Variants in FAT2 observed in about 807,000 individuals in gnomAD.
The protein encoded by FAT2 is FAT atypical cadherin 2.
In FAT2, 150 loss-of-function variants were observed where a neutral mutation model predicts 295.3. The ratio of observed to expected loss-of-function variants is 0.51; its 90% CI spans 0.44 to 0.58. The LOEUF is 0.58. Among genes scored for constraint, FAT2 ranks in the 20% least tolerant of loss-of-function variants. The pLI, the probability that FAT2 is intolerant of heterozygous loss-of-function variation, is 0.00. For synonymous variants in FAT2, 2,026 were observed against 2,150.3 expected, an observed-to-expected ratio of 0.94 and a Z score of 1.60; for missense variants, 4,868 against 5,442.7, an observed-to-expected ratio of 0.89 and a Z score of 3.32.
Position 151,567,287 on chromosome 5 carries a change from A to G in FAT2, c.1645T>C (p.Ser549Pro), listed in dbSNP as rs759730487. Residue 549 changes from serine to proline, a missense_variant, in exon 2 of 24, where the codon TCC (serine) becomes CCC (proline). By Grantham distance (74) the Ser-to-Pro change is moderately conservative. Coordinates refer to ENST00000261800, the MANE Select transcript of FAT2 (RefSeq NM_001447.3). ...AAGTTCCTGAGCTGAAGAAAAATGG[A>G]CACTTCCTTCTCCCGGCGAAAAGGG... is the stretch of plus-strand genomic sequence containing the variant. Reference protein sequence around the residue: ...GSPFRREKEVSIFLQLRNLND... With the variant: ...GSPFRREKEVPIFLQLRNLND... 3 of 1,613,946 alleles carry G rather than the reference A, an allele frequency of 1.9e-6. No individual in the cohort carries two copies. In the South Asian group the frequency reaches 3.3e-5, roughly 18 times the overall value.
At position 151,517,729 on chromosome 5, in the gene FAT2, C is replaced by G. The variant is rs139138684; in HGVS notation, c.11354G>C (p.Arg3785Pro). 4 of 1,614,068 alleles carry G rather than the reference C, an allele frequency of 2.5e-6. No homozygotes were observed. The highest frequency in any genetic ancestry group is 3.4e-6 in the Non-Finnish European group (4 of 1,180,030). ...ATRFSGQSYVRYRAPAARNWH... is the reference protein window; with the variant it reads ...ATRFSGQSYVPYRAPAARNWH... Reference sequence around the variant, plus strand: ...GTTCCGAGCCGCTGGGGCCCTGTACCGCACATAGCTCTGACCACTGAACCT... The same window carrying G: ...GTTCCGAGCCGCTGGGGCCCTGTACGGCACATAGCTCTGACCACTGAACCT... Residue 3785 changes from arginine (R) to proline (P), a missense_variant, in exon 20 of 24, where the codon CGG becomes CCG. By Grantham distance (103) the Arg-to-Pro change is moderately radical. Around this residue, in one of 5 missense-constraint regions of FAT2, gnomAD observed 1,046 missense variants for 1,210.1 expected, o/e 0.86. Transcript: ENST00000261800.
At chr5:151,515,838 T>C (rs993229484) in intron 20 of FAT2, among the ~76,000 whole-genome samples, 1 of 152,216 alleles carries the variant, frequency 6.6e-6, no homozygotes, top group Non-Finnish European at 1.5e-5. Flanking sequence ...AAAGAAGCCA[T>C]GATGACCCTT....
chr5:151,555,727 G>A (rs1019487590), intron 4 of FAT2, among the ~76,000 whole-genome samples: 1 of 152,154 alleles, frequency 6.6e-6, no homozygotes, highest in African/African-American at 2.4e-5. Context: ...AAGTATCAAA[G>A]GCAAAATTTG....
intron 13 of FAT2, 127 bp from the exon 14 acceptor site, chr5:151,532,097 T>C (rs1581350071): frequency 1.6e-6 from 2 of 1,260,264 alleles, no homozygotes; most frequent in Admixed American, 2.3e-5. Context: ...CTGGCTTGGG[T>C]ATATGAAGAG....
In FAT2 at chr5:151,569,804, G is replaced by A. The variant is rs528401576; in HGVS notation, c.-20-853C>T. On this transcript the variant is annotated intron_variant, in intron 1 of 23. Transcript: ENST00000261800. The stretch of plus-strand genomic sequence containing the variant: ...CCTTCCTACAAGGCCTTTCCACTGG[G>A]GCTGAGCTCTAGCCAAACTGAGCTG... Among the ~76,000 whole-genome samples the A allele has an allele frequency of 2.6e-5, 4 of 152,310 alleles. No individual in the cohort carries two copies. The East Asian group carries it at 7.7e-4, about 29-fold the overall frequency.
chr5:151,533,109 C>T (rs959180971), intron 13 of FAT2, among the ~76,000 whole-genome samples: 6 of 152,092 alleles, frequency 3.9e-5, no homozygotes, highest in Non-Finnish European at 8.8e-5. Context: ...TCTAGGAGAT[C>T]TGTGTGATTG....
intron 3 of FAT2, among the ~76,000 whole-genome samples, chr5:151,562,157 C>T (rs34346367): frequency 0.48 from 72,518 of 151,686 alleles, 17,555 homozygotes; most frequent in Non-Finnish European, 0.53. Context: ...TAGGCACTTA[C>T]ATCTCACCCA....
rs1241269739 is a variant in FAT2 at position 151,531,724 on chromosome 5, A to G, written c.9674T>C (p.Val3225Ala). 2 of 1,613,758 alleles carry G rather than the reference A, an allele frequency of 1.2e-6. No individual in the cohort carries two copies. Among genetic ancestry groups the G allele is most frequent in the Admixed American group, 3.3e-5 (2 of 60,000 alleles). The change falls in exon 14 of 24, where the codon GTG becomes GCG. Residue 3225 changes from valine to alanine, a missense_variant. Around this residue, in one of 5 missense-constraint regions of FAT2, gnomAD observed 1,046 missense variants for 1,210.1 expected, o/e 0.86. Transcript: ENST00000261800. The surrounding 1 kb of genome is among the most constrained non-coding windows in gnomAD (Gnocchi z 5.7). ...LPVFLNTEHSVQVPEDAPPGT... is the reference protein window; with the variant it reads ...LPVFLNTEHSAQVPEDAPPGT... ...AGGTGGGGCGTCCTCGGGCACCTGC[A>G]CGCTGTGCTCGGTGTTCAGGAACAC...
chr5:151,522,115 C>T lies in FAT2; in HGVS notation c.10507-29G>A, dbSNP rs1272626789. On this transcript the variant is annotated intron_variant, in intron 18 of 23. Transcript: ENST00000261800. ...TGGGCAAAACAAACACTGCTGTCAC[C>T]CAACAGAACTGCAGTGCTCTTGCGC... 3.9e-6 allele frequency: 6 copies of T among 1,519,952 alleles called. No homozygotes were observed. The Admixed American group carries it at 9.3e-5, about 24-fold the overall frequency. The allele number at this position is 1,519,952 out of a possible 1,614,324, so 94.2% of individuals were successfully genotyped here. A position where few individuals can be genotyped will look rare whatever the true frequency, so the allele number is the denominator to read the frequency against.
intron 21 of FAT2, chr5:151,510,852 A>G (rs74664621): frequency 0.055 from 8,412 of 152,292 alleles, 552 homozygotes; most frequent in East Asian, 0.3. Flanking sequence ...TGCAAAGGCT[A>G]GGGAAGGGTG....
chr5:151,523,883 A>G (rs1753736710), intron 18 of FAT2, among the ~76,000 whole-genome samples: 1 of 152,182 alleles, frequency 6.6e-6, no homozygotes, highest in Non-Finnish European at 1.5e-5. Flanking sequence ...TTCCAGTCTC[A>G]TAAATGCACT....
chr5:151,579,746 AAAGAG>A (rs930738375), intron 1 of FAT2, among the ~76,000 whole-genome samples: 1 of 152,100 alleles, frequency 6.6e-6, no homozygotes, highest in African/African-American at 2.4e-5. Context: ...TTAAAAAAAA[AAAGAG>A]AGAGAAAGAT....
At chr5:151,586,066 T>C (rs2127663719) in intron 1 of FAT2, among the ~76,000 whole-genome samples, 1 of 152,354 alleles carries the variant, frequency 6.6e-6, no homozygotes, top group Non-Finnish European at 1.5e-5. Context: ...CAGGCTAAGC[T>C]TCCAAGGGTC....
At chr5:151,589,979 G>C (rs932835396) in intron 1 of FAT2, among the ~76,000 whole-genome samples, 6 of 152,134 alleles carry the variant, frequency 3.9e-5, no homozygotes, top group Non-Finnish European at 2.9e-5. Context: ...CATAGGCCCA[G>C]AGAGGTAAGA....
intron 20 of FAT2, among the ~76,000 whole-genome samples, chr5:151,517,261 G>A (rs1752964735): frequency 6.6e-6 from 1 of 152,206 alleles, no homozygotes; most frequent in Admixed American, 6.5e-5. Flanking sequence ...GATTCCATGG[G>A]GTTTGAGCAC....
intron 8 of FAT2, 64 bp downstream of exon 8, chr5:151,550,526 A>G: frequency 6.4e-7 from 1 of 1,551,040 alleles, no homozygotes; most frequent in Admixed American, 1.7e-5. Context: ...CATGTCTCCA[A>G]GCATGTCCAC....
At chr5:151,556,511 C>G in intron 3 of FAT2, 109 bp from the exon 4 acceptor site, 4 of 725,708 alleles carry the variant, frequency 5.5e-6, no homozygotes, top group Non-Finnish European at 9.3e-6. Context: ...TTCTTCTGAT[C>G]TTTGAAGAAC....
rs771779546 is a variant in FAT2, at chr5:151,554,504, G to A, written c.3803C>T (p.Ala1268Val). Residue 1268 changes from alanine to valine, a missense_variant, in exon 5 of 24, where the codon GCT (alanine) becomes GTT (valine). Physicochemically the swap from Ala to Val is moderately conservative, Grantham distance 64 (BLOSUM62 0). Transcript: ENST00000261800. ...ATTAAGACCCTCATCCAGGTCTGAA[G>A]CCACCAGCCTGTACACAGGCCCAGG... ...VSPGPVYRLV[A>V]SDLDEGLNGR... 2 of 1,614,108 alleles carry A rather than the reference G, an allele frequency of 1.2e-6. No homozygotes were observed. The highest frequency in any genetic ancestry group is 1.1e-5 in the South Asian group (1 of 91,094).
chr5:151,505,450 T>C lies in FAT2; in HGVS notation c.*115A>G, dbSNP rs1760762779. 7.8e-7 allele frequency: 1 copy of C among 1,279,118 alleles called. No individual in the cohort carries two copies. Among genetic ancestry groups the C allele is most frequent in the African/African-American group, 1.5e-5 (1 of 66,066 alleles). 79.2% of individuals were successfully genotyped at this position (1,279,118 alleles called of 1,614,324 possible). On this transcript the variant is annotated 3_prime_UTR_variant, in exon 24 of 24. Transcript: ENST00000261800. ...CATTTCAAGGGACAACAGCCTGGGC[T>C]GAGGGCTTCCCTCCCACTCTCCCAG...
Sources: gnomAD v4.1 joint callset for allele counts (sites outside exome capture counted in the v4.1 genomes callset) on GRCh38, gnomAD v4.1.1 for gene constraint, gnomAD v4.1.1 regional missense constraint, Gnocchi (gnomAD v3.1) non-coding constraint, MANE v1.5 for transcripts, NCBI Gene and HGNC (gene_info 2026-07-23, HGNC 2026-07-21) for gene names.